The following ARID3A variants were observed in gnomAD, a reference collection of about 807,000 sequenced individuals.
The protein encoded by ARID3A is AT-rich interaction domain 3A.
Under a neutral mutation model 52.7 loss-of-function variants are expected in ARID3A, and 11 were observed. The observed-to-expected ratio is 0.21, with a 90% CI of 0.13 to 0.35. The LOEUF is 0.35. Ranked by LOEUF, ARID3A falls within the 10% of genes least tolerant of loss-of-function variation. ARID3A has a pLI of 1.00. For missense variants in ARID3A, 721 were observed against 838.5 expected, an observed-to-expected ratio of 0.86 and a Z score of 1.73; for synonymous variants, 404 against 359.4, an observed-to-expected ratio of 1.12 and a Z score of -1.40.
chr19:930,731 G>T (rs964302427), intron 2 of ARID3A, among the ~76,000 whole-genome samples: 1 of 150,702 alleles, frequency 6.6e-6, no homozygotes, highest in East Asian at 2.0e-4. Context: ...AGATGGTCTC[G>T]ATCTCCTGAC....
At chr19:969,968 C>T (rs1234059744) in intron 8 of ARID3A, among the ~76,000 whole-genome samples, 4 of 151,900 alleles carry the variant, frequency 2.6e-5, no homozygotes, top group South Asian at 4.2e-4. Context: ...GCTGGGATTA[C>T]AGGCATGAAC....
At chr19:965,474 TTGCC>T (rs2038129364) in intron 6 of ARID3A, among the ~76,000 whole-genome samples, 1 of 151,850 alleles carries the variant, frequency 6.6e-6, no homozygotes, top group Non-Finnish European at 1.5e-5. Context: ...TCACCTCAGT[TTGCC>T]TGTCTGAGTT....
At chr19:951,199 C>T (rs2037796832) in intron 3 of ARID3A, among the ~76,000 whole-genome samples, 1 of 152,024 alleles carries the variant, frequency 6.6e-6, no homozygotes, top group Non-Finnish European at 1.5e-5. Context: ...TCAAGTGATC[C>T]TTCTGCCTTG....
Position 947,793 on chromosome 19 carries a change from G to A in ARID3A, c.694-12299G>A, listed in dbSNP as rs1379139529. ...TGTGTATTTCCAGAGAGGGGACTCG[G>A]GGCCCATCAGGGCCGGGGGAGTGGA... On this transcript the variant is annotated intron_variant, in intron 3 of 8. Transcript: ENST00000263620. This position sits in a 1 kb window ranked among gnomAD's most constrained non-coding sequence, Gnocchi z 6.3. 6.6e-6 allele frequency among the ~76,000 whole-genome samples: 1 copy of A among 152,222 alleles called. No homozygotes were observed. The highest frequency in any genetic ancestry group is 2.4e-5 in the African/African-American group (1 of 41,456).
chr19:946,716 C>T (rs1450030700), intron 3 of ARID3A, among the ~76,000 whole-genome samples: 1 of 152,018 alleles, frequency 6.6e-6, no homozygotes, highest in East Asian at 1.9e-4. Context: ...GCTGGGATTA[C>T]AGGCGTGAGC....
chr19:974,574 C>G lies in ARID3A; in HGVS notation c.*2509C>G, dbSNP rs1765964299. On this transcript the variant is annotated 3_prime_UTR_variant, in exon 9 of 9. Transcript: ENST00000263620. ...GCCAAAATCTGAGCCCCTGGGGTGCCTCTCCCCCGCCTCCCGTGCACCAGG... is the reference window on the plus strand; with the variant it reads ...GCCAAAATCTGAGCCCCTGGGGTGCGTCTCCCCCGCCTCCCGTGCACCAGG... 8.7e-6 allele frequency: 2 copies of G among 230,132 alleles called. 1 individual carries two copies. Among genetic ancestry groups the G allele is most frequent in the Non-Finnish European group, 1.7e-5 (2 of 116,208 alleles). The allele number at this position is 230,132 out of a possible 1,614,324, so 14.3% of individuals were successfully genotyped here. A position where few individuals can be genotyped will look rare whatever the true frequency, so the allele number is the denominator to read the frequency against.
At chr19:965,129 C>T (rs758923903) in intron 6 of ARID3A, 49 bp downstream of exon 6, 8 of 1,535,952 alleles carry the variant, frequency 5.2e-6, no homozygotes, top group African/African-American at 2.7e-5. Flanking sequence ...GAGCTTCAGC[C>T]TGGCTGTCTG....
chr19:933,679 T>TC, intron 3 of ARID3A, among the ~76,000 whole-genome samples: 1 of 152,126 alleles, frequency 6.6e-6, no homozygotes, highest in South Asian at 2.1e-4. Flanking sequence ...CAGGGGGGCC[T>TC]CCCCGGGGCT....
chr19:929,448 CAG>C lies in ARID3A; in HGVS notation c.-80_-79del. The C allele has an allele frequency of 1.6e-6, 2 of 1,286,032 alleles. No individual in the cohort carries two copies. Among genetic ancestry groups the C allele is most frequent in the Non-Finnish European group, 2.0e-6 (2 of 1,011,646 alleles). 79.7% of individuals were successfully genotyped at this position (1,286,032 alleles called of 1,614,324 possible). On this transcript the variant is annotated 5_prime_UTR_variant, in exon 2 of 9. Transcript: ENST00000263620. This position sits in a 1 kb window ranked among gnomAD's most constrained non-coding sequence, Gnocchi z 6.2. ...GCAGTGCGGCCGGGCCCCCTCCCCG[CAG>C]GGGCCGCCCCCGCCGCCCACCCCTA...
intron 3 of ARID3A, among the ~76,000 whole-genome samples, chr19:940,068 G>A (rs933930853): frequency 6.6e-6 from 1 of 152,006 alleles, no homozygotes; most frequent in Non-Finnish European, 1.5e-5. Context: ...GGGATTGAGG[G>A]GGAGGCTGCC....
At chr19:956,376 CA>C (rs2037917352) in intron 3 of ARID3A, 1 of 152,202 alleles carries the variant, frequency 6.6e-6, no homozygotes. Flanking sequence ...ACTCTGGGAA[CA>C]AAACAGACTA....
Position 966,749 on chromosome 19 carries a change from C to T in ARID3A, c.1376C>T (p.Pro459Leu), listed in dbSNP as rs548635209. The change falls in exon 7 of 9, where the codon CCG (proline) becomes CTG (leucine). Residue 459 changes from proline to leucine, a missense_variant. Pro to Leu is a moderately conservative substitution (Grantham distance 98, BLOSUM62 -3). This residue lies in a region of ARID3A where 297 missense variants were observed against 343.2 expected (regional missense o/e 0.87). Coordinates refer to ENST00000263620, the MANE Select transcript of ARID3A (RefSeq NM_005224.3). The part of the protein sequence containing the change: ...LREKLESAEP[P>L]EKKMALVADE... ...GAGAAGCTGGAGTCTGCAGAGCCTC[C>T]GGAGAAGAAGATGGCCCTGGTGGCC... is the stretch of plus-strand genomic sequence containing the variant. 2.0e-5 allele frequency: 32 copies of T among 1,613,108 alleles called. No individual in the cohort carries two copies. The highest frequency in any genetic ancestry group is 1.7e-4 in the Middle Eastern group (1 of 6,060).
chr19:948,943 AGG>A (rs1301442733), intron 3 of ARID3A, among the ~76,000 whole-genome samples: 4 of 151,958 alleles, frequency 2.6e-5, no homozygotes, highest in African/African-American at 9.7e-5. Flanking sequence ...TCCTGACCTC[AGG>A]TGATCCGCCC....
Position 971,992 on chromosome 19 carries a change from C to A in ARID3A, c.1709C>A (p.Thr570Asn), listed in dbSNP as rs1208554450. ...NAGGRGGNTGTSGGQAGPAGL... is the reference protein window; with the variant it reads ...NAGGRGGNTGNSGGQAGPAGL... Reference sequence around the variant, plus strand: ...GGCGGCCGGGGAGGAAACACCGGAACCAGCGGCGGCCAGGCTGGGCCAGCG... The same window carrying A: ...GGCGGCCGGGGAGGAAACACCGGAAACAGCGGCGGCCAGGCTGGGCCAGCG... Residue 570 changes from threonine (T) to asparagine (N), a missense_variant, in exon 9 of 9, where the codon ACC (threonine) becomes AAC (asparagine). Thr to Asn is a moderately conservative substitution (Grantham distance 65). Around this residue, in one of 5 missense-constraint regions of ARID3A, gnomAD observed 297 missense variants for 343.2 expected, o/e 0.87. Coordinates refer to ENST00000263620, the MANE Select transcript of ARID3A (RefSeq NM_005224.3). 1.2e-6 allele frequency: 2 copies of A among 1,601,168 alleles called. No homozygotes were observed. The highest frequency in any genetic ancestry group is 1.7e-5 in the Admixed American group (1 of 57,808).
intron 3 of ARID3A, among the ~76,000 whole-genome samples, chr19:943,458 C>G (rs1324935254): frequency 6.6e-6 from 1 of 151,810 alleles, no homozygotes; most frequent in East Asian, 1.9e-4. Flanking sequence ...ATCCCAGCTA[C>G]TTGGGAAGCT....
At chr19:933,865 G>A (rs1171369022) in intron 3 of ARID3A, among the ~76,000 whole-genome samples, 1 of 143,754 alleles carries the variant, frequency 7.0e-6, no homozygotes, top group East Asian at 2.1e-4. Context: ...GGGGCGTCTC[G>A]CTGATTCCAC....
chr19:930,135 A>AGAAG (rs1298634005), intron 2 of ARID3A, among the ~76,000 whole-genome samples: 47 of 152,168 alleles, frequency 3.1e-4, no homozygotes, highest in Non-Finnish European at 4.4e-4. Context: ...ATGGTGGTGC[A>AGAAG]CCTGTGGTCC....
At chr19:949,960 C>T (rs972531226) in intron 3 of ARID3A, among the ~76,000 whole-genome samples, 14 of 152,110 alleles carry the variant, frequency 9.2e-5, no homozygotes, top group African/African-American at 2.4e-4. Context: ...TGTGAGTCAC[C>T]GCATCTGGGC....
At chr19:949,084 G>A (rs553090351) in intron 3 of ARID3A, among the ~76,000 whole-genome samples, 134 of 152,262 alleles carry the variant, frequency 8.8e-4, no homozygotes, top group Non-Finnish European at 2.6e-4. Context: ...CCGCCTCTCC[G>A]GACTGTGGAC....
Sources: allele counts gnomAD v4.1 joint callset (sites outside exome capture counted in the v4.1 genomes callset), GRCh38; gene constraint gnomAD v4.1.1; regional missense constraint gnomAD v4.1.1; non-coding constraint Gnocchi (gnomAD v3.1); transcripts MANE v1.5; gene names NCBI Gene and HGNC (gene_info 2026-07-23, HGNC 2026-07-21).